Variants in MDGA2 observed in about 807,000 individuals in gnomAD.
MDGA2 encodes the protein MAM domain-containing glycosylphosphatidylinositol anchor protein 2.
MDGA2 carries 40 observed loss-of-function variants against 117.8 expected under a neutral mutation model. The observed-to-expected ratio is 0.34, with a 90% CI of 0.26 to 0.44. MDGA2 has a LOEUF of 0.44. MDGA2 is among the 20% of genes least tolerant of loss of function. The probability of loss-of-function intolerance (pLI) is 1.00; values close to 1 mark genes in which losing one functional copy is unlikely to be tolerated. For missense variants in MDGA2, 1,123 were observed against 1,250.6 expected, an observed-to-expected ratio of 0.90 and a Z score of 1.54; for synonymous variants, 452 against 439.0, an observed-to-expected ratio of 1.03 and a Z score of -0.37.
intron 1 of MDGA2, among the ~76,000 whole-genome samples, chr14:47,434,390 A>G (rs1353864287): frequency 6.6e-6 from 1 of 152,146 alleles, no homozygotes; most frequent in Non-Finnish European, 1.5e-5. Context: ...CATATCTCAT[A>G]GAACTAGGAT....
At chr14:47,179,340 T>A (rs2139362918) in intron 3 of MDGA2, among the ~76,000 whole-genome samples, 1 of 152,196 alleles carries the variant, frequency 6.6e-6, no homozygotes, top group Non-Finnish European at 1.5e-5. Flanking sequence ...TTTTCTTCTA[T>A]TTATATTTAC....
At chr14:46,926,699 G>A (rs1271502084) in intron 9 of MDGA2, among the ~76,000 whole-genome samples, 3 of 151,932 alleles carry the variant, frequency 2.0e-5, no homozygotes, top group Non-Finnish European at 4.4e-5. Context: ...GAAAAGAAGA[G>A]AGAAAAAAAT....
intron 8 of MDGA2, among the ~76,000 whole-genome samples, chr14:46,969,080 CATT>C (rs965311430): frequency 8.5e-5 from 13 of 152,218 alleles, no homozygotes; most frequent in African/African-American, 2.9e-4. Flanking sequence ...GACATGAACT[CATT>C]ATTTTTTATG....
rs745347174 is a variant in MDGA2, at chr14:47,561,141, G to GT, written c.280+113375dup. Among the ~76,000 whole-genome samples the GT allele has an allele frequency of 2.2e-3, 113 of 52,112 alleles. 6 individuals are homozygous for GT. The highest frequency in any genetic ancestry group is 3.4e-3 in the South Asian group (3 of 878). 34.2% of individuals were successfully genotyped at this position (52,112 alleles called of 152,430 possible). On this transcript the variant is annotated intron_variant, in intron 1 of 16. Coordinates refer to ENST00000399232, the MANE Select transcript of MDGA2 (RefSeq NM_001113498.3). ...AGGCTAGCATGATACCTCTATCTTT[G>GT]TTTTTTTTTTTGTTTTGTTTTGTTT...
chr14:47,397,375 T>C (rs1367512907), intron 1 of MDGA2, among the ~76,000 whole-genome samples: 1 of 152,042 alleles, frequency 6.6e-6, no homozygotes, highest in Non-Finnish European at 1.5e-5. Flanking sequence ...AAATACCTAA[T>C]GTGGATGATG....
At chr14:47,549,907 G>T (rs1209513738) in intron 1 of MDGA2, among the ~76,000 whole-genome samples, 2 of 152,178 alleles carry the variant, frequency 1.3e-5, no homozygotes, top group Non-Finnish European at 2.9e-5. Context: ...CTGGCCTCCA[G>T]AACTGTGAGA....
chr14:46,912,392 A>G (rs1409089333), intron 10 of MDGA2, among the ~76,000 whole-genome samples: 2 of 152,148 alleles, frequency 1.3e-5, no homozygotes, highest in Non-Finnish European at 2.9e-5. Flanking sequence ...CTAAATTTTT[A>G]CCACCTTCAG....
At chr14:47,211,457 G>T (rs1322715043) in intron 3 of MDGA2, among the ~76,000 whole-genome samples, 1 of 152,088 alleles carries the variant, frequency 6.6e-6, no homozygotes, top group Admixed American at 6.6e-5. Flanking sequence ...ACAATGTGTT[G>T]GGCAGCCCAG....
At chr14:47,056,562 C>A (rs77859597) in intron 7 of MDGA2, among the ~76,000 whole-genome samples, 5,559 of 152,240 alleles carry the variant, frequency 0.037, 147 homozygotes, top group Non-Finnish European at 0.06. Flanking sequence ...GATGTCTCAT[C>A]ATGGGAATTC....
At chr14:47,105,897 T>C (rs1037206911) in intron 5 of MDGA2, among the ~76,000 whole-genome samples, 9 of 152,050 alleles carry the variant, frequency 5.9e-5, no homozygotes, top group East Asian at 3.9e-4. Context: ...TCTCAGCCTC[T>C]GCTCCTCCAC....
intron 9 of MDGA2, among the ~76,000 whole-genome samples, chr14:46,948,881 A>G (rs1885268045): frequency 1.3e-5 from 2 of 151,914 alleles, no homozygotes; most frequent in East Asian, 1.9e-4. Flanking sequence ...CCAAAGCTCA[A>G]TTGTGCATTG....
chr14:47,627,169 A>C (rs1594950959), intron 1 of MDGA2, among the ~76,000 whole-genome samples: 1 of 147,892 alleles, frequency 6.8e-6, no homozygotes, highest in African/African-American at 2.5e-5. Flanking sequence ...ATCTAGCTCA[A>C]GGTTTGTAAA....
chr14:47,650,553 G>A (rs560178906), intron 1 of MDGA2, among the ~76,000 whole-genome samples: 1 of 152,058 alleles, frequency 6.6e-6, no homozygotes, highest in Non-Finnish European at 1.5e-5. Context: ...AATTGTCCCA[G>A]TATGAGTAAG....
At chr14:47,638,790 G>C (rs912215896) in intron 1 of MDGA2, among the ~76,000 whole-genome samples, 2 of 152,048 alleles carry the variant, frequency 1.3e-5, no homozygotes, top group African/African-American at 4.8e-5. Flanking sequence ...GCACCAAAGC[G>C]ATCCCTTTAA....
At chr14:47,423,782 A>G (rs1367719702) in intron 1 of MDGA2, among the ~76,000 whole-genome samples, 2 of 149,816 alleles carry the variant, frequency 1.3e-5, no homozygotes, top group East Asian at 2.0e-4. Context: ...CACACTGTTT[A>G]TTTTATTTAA....
rs184901977 is a variant in MDGA2 at position 47,131,622 on chromosome 14, T to C, written c.925+92A>G. 5.7e-6 allele frequency: 6 copies of C among 1,045,908 alleles called. No individual in the cohort carries two copies. In the East Asian group the frequency reaches 1.5e-4, roughly 26 times the overall value. The allele number at this position is 1,045,908 out of a possible 1,614,324, so 64.8% of individuals were successfully genotyped here. A position where few individuals can be genotyped will look rare whatever the true frequency, so the allele number is the denominator to read the frequency against. On this transcript the variant is annotated intron_variant, in intron 5 of 16. Coordinates refer to ENST00000399232, the MANE Select transcript of MDGA2 (RefSeq NM_001113498.3). ...AAGGTGCTTATTCCTACATACACCG[T>C]AGAAATCATTTGGTCTTTAAAAAAG...
chr14:47,107,326 C>T (rs1430540592), intron 5 of MDGA2, among the ~76,000 whole-genome samples: 1 of 152,114 alleles, frequency 6.6e-6, no homozygotes. Flanking sequence ...TCAGGATCTG[C>T]ACCTTATCAA....
At chr14:46,866,730 AG>A (rs1881780297) in intron 14 of MDGA2, among the ~76,000 whole-genome samples, 1 of 152,070 alleles carries the variant, frequency 6.6e-6, no homozygotes, top group African/African-American at 2.4e-5. Flanking sequence ...AAGTGGGCGA[AG>A]GACATGAACA....
At chr14:47,326,721 T>C (rs1415006155) in intron 1 of MDGA2, among the ~76,000 whole-genome samples, 2 of 152,042 alleles carry the variant, frequency 1.3e-5, no homozygotes, top group Non-Finnish European at 2.9e-5. Context: ...GTATCATTTT[T>C]CTAAACTCTT....
Sources: gnomAD v4.1 joint callset for allele counts (sites outside exome capture counted in the v4.1 genomes callset) on GRCh38, gnomAD v4.1.1 for gene constraint, MANE v1.5 for transcripts, NCBI Gene and HGNC (gene_info 2026-07-23, HGNC 2026-07-21) for gene names.